ATAD2B: variants seen among roughly 807,000 people sequenced by gnomAD.
ATAD2B encodes ATPase family AAA domain containing 2B.
Under a neutral mutation model 167.6 loss-of-function variants are expected in ATAD2B, and 40 were observed. The ratio of observed to expected loss-of-function variants is 0.24; its 90% CI spans 0.19 to 0.31. ATAD2B has a LOEUF of 0.31. Ranked by LOEUF, ATAD2B falls within the 10% of genes least tolerant of loss-of-function variation. The pLI, the probability that ATAD2B is intolerant of heterozygous loss-of-function variation, is 1.00. For synonymous variants in ATAD2B, 579 were observed against 596.5 expected (o/e 0.97, Z 0.43); for missense variants, 1,242 against 1,757.2 (o/e 0.71, Z 5.24).
intron 22 of ATAD2B, among the ~76,000 whole-genome samples, chr2:23,778,684 T>C (rs1444778181): frequency 6.6e-6 from 1 of 152,206 alleles, no homozygotes; most frequent in East Asian, 1.9e-4. Context: ...AATGGCAATT[T>C]CATAAGGTTC....
At chr2:23,839,263 C>T (rs1558636750) in intron 13 of ATAD2B, among the ~76,000 whole-genome samples, 1 of 152,028 alleles carries the variant, frequency 6.6e-6, no homozygotes, top group Admixed American at 6.5e-5. Flanking sequence ...ACACTGACTG[C>T]GATCTATAGA....
At chr2:23,914,699 G>A (rs550570702) in intron 1 of ATAD2B, among the ~76,000 whole-genome samples, 153 of 152,054 alleles carry the variant, frequency 1.0e-3, no homozygotes, top group Non-Finnish European at 1.5e-3. Flanking sequence ...AAAATTAGCC[G>A]GGCGAGGTGG....
intron 1 of ATAD2B, among the ~76,000 whole-genome samples, chr2:23,913,994 C>G (rs1016335494): frequency 6.6e-6 from 1 of 152,012 alleles, no homozygotes; most frequent in African/African-American, 2.4e-5. Context: ...ATGGACCAGG[C>G]ATGGTGGCTT....
At chr2:23,776,116 AAAAT>A (rs926760570) in intron 22 of ATAD2B, among the ~76,000 whole-genome samples, 9 of 152,150 alleles carry the variant, frequency 5.9e-5, no homozygotes, top group Non-Finnish European at 1.0e-4. Flanking sequence ...CTCCGTCTCA[AAAAT>A]AAATAAATAA....
chr2:23,885,206 T>G (rs777111563), intron 5 of ATAD2B, among the ~76,000 whole-genome samples: 1 of 152,132 alleles, frequency 6.6e-6, no homozygotes, highest in Non-Finnish European at 1.5e-5. Flanking sequence ...AGGTACAAAG[T>G]ACTCCAGAAT....
chr2:23,766,025 T>C (rs1316973485), intron 22 of ATAD2B, among the ~76,000 whole-genome samples: 2 of 152,184 alleles, frequency 1.3e-5, no homozygotes, highest in Non-Finnish European at 2.9e-5. Context: ...AAAAAAATCT[T>C]AAATTTCTCC....
chr2:23,710,294 G>T, the ATAD2B span, among the ~76,000 whole-genome samples: 16 of 152,288 alleles, frequency 1.1e-4, no homozygotes, highest in African/African-American at 3.8e-4. Context: ...AAGAGGAAAC[G>T]TTGCCAGTAA....
chr2:23,907,123 T>C (rs1383899546), intron 1 of ATAD2B, among the ~76,000 whole-genome samples: 4 of 151,000 alleles, frequency 2.6e-5, no homozygotes, highest in Non-Finnish European at 5.9e-5. Flanking sequence ...GCCAGGGCAA[T>C]CAGGCAGGAG....
chr2:23,754,999 C>A, intron 25 of ATAD2B: 2 of 389,818 alleles, frequency 5.1e-6, no homozygotes, highest in Admixed American at 4.1e-5. Context: ...AAAGCCAAGT[C>A]ATACTAAAGT....
chr2:23,919,255 C>G (rs982879865), intron 1 of ATAD2B, among the ~76,000 whole-genome samples: 1 of 152,066 alleles, frequency 6.6e-6, no homozygotes, highest in African/African-American at 2.4e-5. Context: ...CATTAATTCA[C>G]TCAAAAAGTA....
In ATAD2B at chr2:23,819,912, G is replaced by A. The variant is rs760714298; in HGVS notation, c.2132-30C>T. On this transcript the variant is annotated intron_variant, in intron 16 of 27. Transcript: ENST00000238789. ...TTAAAAAAATCACAATGGTTATGGG[G>A]CTTATAAAGTCATTTAATATTCGTG... 8.7e-6 allele frequency: 13 copies of A among 1,490,672 alleles called. No individual in the cohort carries two copies. In the South Asian group the frequency reaches 1.0e-4, roughly 12 times the overall value. The allele number at this position is 1,490,672 out of a possible 1,614,324, so 92.3% of individuals were successfully genotyped here. A position where few individuals can be genotyped will look rare whatever the true frequency, so the allele number is the denominator to read the frequency against.
intron 13 of ATAD2B, among the ~76,000 whole-genome samples, chr2:23,839,679 T>C (rs1170089109): frequency 6.6e-6 from 1 of 152,112 alleles, no homozygotes; most frequent in Non-Finnish European, 1.5e-5. Flanking sequence ...TGTTCACAAG[T>C]GAGACTAGTT....
chr2:23,865,955 T>C, intron 10 of ATAD2B: 1 of 967,496 alleles, frequency 1.0e-6, no homozygotes, highest in South Asian at 4.8e-5. Context: ...CTTCCCTGCT[T>C]CTTCATTCTG....
chr2:23,741,869 C>A, the ATAD2B span, among the ~76,000 whole-genome samples: 1 of 152,138 alleles, frequency 6.6e-6, no homozygotes, highest in Non-Finnish European at 1.5e-5. Flanking sequence ...AAAAAACAAA[C>A]AACCTCATCA....
chr2:23,919,188 AAGAG>A (rs147968741), intron 1 of ATAD2B, among the ~76,000 whole-genome samples: 13 of 150,862 alleles, frequency 8.6e-5, no homozygotes, highest in South Asian at 4.2e-4. Context: ...ATTAAAAAAA[AAGAG>A]AGAGAGAGAG....
intron 1 of ATAD2B, among the ~76,000 whole-genome samples, chr2:23,908,685 C>T (rs979646146): frequency 1.5e-4 from 23 of 152,098 alleles, no homozygotes; most frequent in Non-Finnish European, 2.5e-4. Context: ...GACACATGCA[C>T]GCGTATGTTT....
intron 1 of ATAD2B, among the ~76,000 whole-genome samples, chr2:23,923,072 CATT>C (rs1704196978): frequency 6.6e-6 from 1 of 152,076 alleles, no homozygotes; most frequent in African/African-American, 2.4e-5. Context: ...TTCGCAGTAG[CATT>C]ATTAATAGCT....
chr2:23,745,490 C>G (rs1256437196), downstream of ATAD2B, among the ~76,000 whole-genome samples: 1 of 150,862 alleles, frequency 6.6e-6, no homozygotes, highest in Non-Finnish European at 1.5e-5. Flanking sequence ...GACTTGAATA[C>G]AAGCAAAGGA....
At chr2:23,870,745 A>T (rs1695844022) in intron 8 of ATAD2B, among the ~76,000 whole-genome samples, 2 of 152,020 alleles carry the variant, frequency 1.3e-5, no homozygotes, top group Non-Finnish European at 2.9e-5. Context: ...GAAAAATAAT[A>T]CACTGGTTTA....
Sources: gnomAD v4.1 joint callset for allele counts (sites outside exome capture counted in the v4.1 genomes callset) on GRCh38, gnomAD v4.1.1 for gene constraint, MANE v1.5 for transcripts, NCBI Gene and HGNC (gene_info 2026-07-23, HGNC 2026-07-21) for gene names.